The following LRPAP1 variants were observed in gnomAD, a reference collection of about 807,000 sequenced individuals.
LRPAP1 encodes the protein LDL receptor related protein associated protein 1, also known as alpha-2-macroglobulin receptor-associated protein.
Under a neutral mutation model 39.9 loss-of-function variants are expected in LRPAP1, and 41 were observed. The ratio of observed to expected loss-of-function variants is 1.03; its 90% CI spans 0.80 to 1.33. The LOEUF (loss-of-function observed/expected upper bound fraction) is 1.33, where lower values mean the gene tolerates loss of function less well. LRPAP1 is among the 40% of genes most tolerant of loss of function. The pLI, the probability that LRPAP1 is intolerant of heterozygous loss-of-function variation, is 0.00. For synonymous variants in LRPAP1, 263 were observed against 212.7 expected, an observed-to-expected ratio of 1.24 and a Z score of -2.06; for missense variants, 565 against 482.3, an observed-to-expected ratio of 1.17 and a Z score of -1.61.
chr4:3,518,140 G>A lies in LRPAP1; in HGVS notation c.645C>T (p.Ser215=), dbSNP rs976189026. The A allele has an allele frequency of 9.9e-6, 16 of 1,613,506 alleles. No homozygotes were observed. Among genetic ancestry groups the A allele is most frequent in the Non-Finnish European group, 1.4e-5 (16 of 1,179,860 alleles). ...GCTCCGTGTGCCTGCTGTGCAGGAC[G>A]CTGCCCTTGATGTCGCTCAGGTCCG... ...SPSDLSDIKG[S]VLHSRHTELK... is the part of the protein sequence containing the mutation. The change falls in exon 5 of 8, where the codon AGC becomes AGT. Residue 215 remains serine, a synonymous_variant. Transcript: ENST00000650182.
intron 2 of LRPAP1, among the ~76,000 whole-genome samples, chr4:3,524,164 C>G (rs184907514): frequency 6.6e-6 from 1 of 152,134 alleles, no homozygotes; most frequent in Non-Finnish European, 1.5e-5. Flanking sequence ...GCCCTGCCGA[C>G]GGGCCCGTGG....
intron 2 of LRPAP1, among the ~76,000 whole-genome samples, chr4:3,521,268 G>A (rs957523596): frequency 2.0e-5 from 3 of 152,228 alleles, no homozygotes; most frequent in African/African-American, 7.2e-5. Context: ...AGGGCCCCGA[G>A]TAGGCCTCTC....
Position 3,519,817 on chromosome 4 carries a change from C to T in LRPAP1, c.471+255G>A, listed in dbSNP as rs750300307. Among the ~76,000 whole-genome samples the T allele has an allele frequency of 4.1e-4, 62 of 152,248 alleles. 1 individual carries two copies. The highest frequency in any genetic ancestry group is 1.0e-4 in the Non-Finnish European group (7 of 68,046). On this transcript the variant is annotated intron_variant, in intron 3 of 7. Coordinates refer to ENST00000650182, the MANE Select transcript of LRPAP1 (RefSeq NM_002337.4). ...ATCCCGTAACCACACGTGACCTGAGCTGAAGGTCTGACAGCTGCAGGCCAA... is the reference window on the plus strand; with the variant it reads ...ATCCCGTAACCACACGTGACCTGAGTTGAAGGTCTGACAGCTGCAGGCCAA...
At chr4:3,514,649 G>A in intron 7 of LRPAP1, 103 bp downstream of exon 7, 1 of 1,403,770 alleles carries the variant, frequency 7.1e-7, no homozygotes, top group Non-Finnish European at 9.5e-7. Flanking sequence ...ACAGCAGCGT[G>A]GGGCCCACAC....
Position 3,505,517 on chromosome 4 carries a change from G to A in LRPAP1, c.*7457C>T, listed in dbSNP as rs375374932. On this transcript the variant is annotated 3_prime_UTR_variant, in exon 8 of 8. Transcript: ENST00000650182. ...TGCCTGGCAGGGGCCTCCTGCGGCC[G>A]GAACGTCCCCTGCATCCCCAACCAC... Among the ~76,000 whole-genome samples the A allele has an allele frequency of 3.3e-4, 50 of 152,302 alleles. No individual in the cohort carries two copies. In the South Asian group the frequency reaches 5.0e-3, roughly 15 times the overall value.
At chr4:3,520,008 C>T in intron 3 of LRPAP1, 64 bp downstream of exon 3, 4 of 1,580,672 alleles carry the variant, frequency 2.5e-6, no homozygotes, top group Non-Finnish European at 3.5e-6. Context: ...CCCTCACAGC[C>T]CCCGCCTTAA....
chr4:3,517,407 G>A (rs989860338), intron 5 of LRPAP1, among the ~76,000 whole-genome samples: 8 of 152,266 alleles, frequency 5.3e-5, no homozygotes, highest in African/African-American at 1.9e-4. Context: ...GCCTAGAGCA[G>A]TGCCTGGCGT....
chr4:3,517,962 C>T lies in LRPAP1; in HGVS notation c.751+72G>A, dbSNP rs73793984. ...AGGTTCCCGTCGCTACAAGCACCTG[C>T]CTGCTTGTCCCCAAAACACAACCAG... is the stretch of plus-strand genomic sequence containing the variant. On this transcript the variant is annotated intron_variant, in intron 5 of 7. Transcript: ENST00000650182. 2,814 of 1,513,426 alleles carry T rather than the reference C, an allele frequency of 1.9e-3. 45 individuals are homozygous for T. In the African/African-American group the frequency reaches 0.034, roughly 18 times the overall value. The allele number at this position is 1,513,426 out of a possible 1,614,324, so 93.7% of individuals were successfully genotyped here.
chr4:3,530,395 C>A (rs982113285), intron 1 of LRPAP1, among the ~76,000 whole-genome samples: 1 of 152,220 alleles, frequency 6.6e-6, no homozygotes, highest in Non-Finnish European at 1.5e-5. Context: ...ACCAGGCTCT[C>A]TGGAATGGGG....
chr4:3,512,697 C>G lies in LRPAP1; in HGVS notation c.*277G>C, dbSNP rs973534743. 4.2e-6 allele frequency: 2 copies of G among 474,700 alleles called. No homozygotes were observed. Among genetic ancestry groups the G allele is most frequent in the Non-Finnish European group, 7.5e-6 (2 of 265,958 alleles). The allele number at this position is 474,700 out of a possible 1,614,324, so 29.4% of individuals were successfully genotyped here. A position where few individuals can be genotyped will look rare whatever the true frequency, so the allele number is the denominator to read the frequency against. The stretch of plus-strand genomic sequence containing the variant: ...ATCAGACCTGACAGCAGCTGGACAT[C>G]GAGGTCCTCACTGGGGTGGTGACTG... On this transcript the variant is annotated 3_prime_UTR_variant, in exon 8 of 8. Coordinates refer to ENST00000650182, the MANE Select transcript of LRPAP1 (RefSeq NM_002337.4).
At chr4:3,521,772 C>A (rs1010662753) in intron 2 of LRPAP1, among the ~76,000 whole-genome samples, 1 of 152,208 alleles carries the variant, frequency 6.6e-6, no homozygotes, top group South Asian at 2.1e-4. Context: ...GCACGGGTCC[C>A]GTAGATGCAT....
intron 6 of LRPAP1, 135 bp downstream of exon 6, chr4:3,515,981 G>A (rs142212900): frequency 1.2e-5 from 10 of 841,248 alleles, no homozygotes; most frequent in African/African-American, 8.5e-5. Flanking sequence ...CAGGTTCACC[G>A]AGTGGTTAAG....
intron 5 of LRPAP1, chr4:3,517,777 GC>G (rs1489985327): frequency 4.7e-6 from 2 of 422,038 alleles, no homozygotes; most frequent in East Asian, 8.3e-5. Flanking sequence ...GCTGGGAAGG[GC>G]TGCTCCCAGG....
Position 3,507,107 on chromosome 4 carries a change from C to T in LRPAP1, c.*5867G>A, listed in dbSNP as rs1249993254. The T allele has an allele frequency of 6.6e-6, 1 of 152,184 alleles. No homozygotes were observed. Among genetic ancestry groups the T allele is most frequent in the Non-Finnish European group, 1.5e-5 (1 of 68,048 alleles). 9.4% of individuals were successfully genotyped at this position (152,184 alleles called of 1,614,324 possible). A position where few individuals can be genotyped will look rare whatever the true frequency, so the allele number is the denominator to read the frequency against. ...AGCATAGTGATGCATGCCTGTAGTCCCAGCTACTCAGAAGACCGAGGTGGG... is the reference window on the plus strand; with the variant it reads ...AGCATAGTGATGCATGCCTGTAGTCTCAGCTACTCAGAAGACCGAGGTGGG... On this transcript the variant is annotated 3_prime_UTR_variant, in exon 8 of 8. Transcript: ENST00000650182.
At position 3,506,694 on chromosome 4, in the gene LRPAP1, A is replaced by C. The variant is rs138119054; in HGVS notation, c.*6280T>G. 6.0e-4 allele frequency: 91 copies of C among 152,280 alleles called. No homozygotes were observed. The highest frequency in any genetic ancestry group is 2.1e-3 in the African/African-American group (86 of 41,570). The allele number at this position is 152,280 out of a possible 1,614,324, so 9.4% of individuals were successfully genotyped here. A position where few individuals can be genotyped will look rare whatever the true frequency, so the allele number is the denominator to read the frequency against. On this transcript the variant is annotated 3_prime_UTR_variant, in exon 8 of 8. Coordinates refer to ENST00000650182, the MANE Select transcript of LRPAP1 (RefSeq NM_002337.4). ...GCCGGCTCGAGCTGTTTTTAAGAGG[A>C]TATATCCTGGTTTGCTGCTGTGTAG...
chr4:3,528,330 AGCCGACCGT>A (rs1730141604), intron 1 of LRPAP1, among the ~76,000 whole-genome samples: 2 of 152,180 alleles, frequency 1.3e-5, no homozygotes, highest in African/African-American at 4.8e-5. Context: ...ACACAAGCAG[AGCCGACCGT>A]GTCCTCCTGA....
At chr4:3,521,799 A>G (rs141084579) in intron 2 of LRPAP1, among the ~76,000 whole-genome samples, 2 of 152,308 alleles carry the variant, frequency 1.3e-5, no homozygotes, top group East Asian at 3.9e-4. Context: ...AAGCTCAACC[A>G]CATGCTGGGC....
At chr4:3,522,690 G>A (rs537581338) in intron 2 of LRPAP1, among the ~76,000 whole-genome samples, 40 of 102,960 alleles carry the variant, frequency 3.9e-4, no homozygotes, top group South Asian at 1.3e-3. Flanking sequence ...TGCCTGGGGA[G>A]GACAGACGCC....
rs565840654 is a variant in LRPAP1, at chr4:3,520,892, A to G, written c.350-699T>C. On this transcript the variant is annotated intron_variant, in intron 2 of 7. Transcript: ENST00000650182. ...CCCGCTTCCCTAGGGGGGACTCGGC[A>G]TCTGTGGGCTGTGTCTGTCACCACA... Among the ~76,000 whole-genome samples the G allele has an allele frequency of 1.8e-3, 267 of 152,338 alleles. 4 individuals are homozygous for G. Among genetic ancestry groups the G allele is most frequent in the African/African-American group, 6.1e-3 (255 of 41,590 alleles).
Sources: allele counts gnomAD v4.1 joint callset (sites outside exome capture counted in the v4.1 genomes callset), GRCh38; gene constraint gnomAD v4.1.1; transcripts MANE v1.5; gene names NCBI Gene and HGNC (gene_info 2026-07-23, HGNC 2026-07-21).